Variants in KYNU observed in about 807,000 individuals in gnomAD.
The protein encoded by KYNU is kynureninase.
Under a neutral mutation model 59.2 loss-of-function variants are expected in KYNU, and 54 were observed. The ratio of observed to expected loss-of-function variants is 0.91; its 90% CI spans 0.73 to 1.14. The LOEUF (loss-of-function observed/expected upper bound fraction) is 1.14, where lower values mean the gene tolerates loss of function less well. KYNU is among the 50% of genes most tolerant of loss of function. The pLI, the probability that KYNU is intolerant of heterozygous loss-of-function variation, is 0.00. For synonymous variants in KYNU, 177 were observed against 192.0 expected (o/e 0.92, Z 0.65); for missense variants, 567 against 554.4 (o/e 1.02, Z -0.23).
rs768959772 is a variant in KYNU at position 142,885,433 on chromosome 2, C to T, written c.66C>T (p.Cys22=). 15 of 1,613,858 alleles carry T rather than the reference C, an allele frequency of 9.3e-6. No individual in the cohort carries two copies. The South Asian group carries it at 1.5e-4, about 17-fold the overall frequency. The part of the protein sequence containing the change: ...TVQRIAAELK[C]HPTDERVALH... ...AGCGCATTGCGGCTGAACTCAAATG[C>T]CACCCAACGGATGAGAGGGTGGCTC... The change falls in exon 2 of 14, where the codon TGC becomes TGT. Residue 22 remains cysteine (C), a synonymous_variant. Coordinates refer to ENST00000264170, the MANE Select transcript of KYNU (RefSeq NM_003937.3).
intron 4 of KYNU, among the ~76,000 whole-genome samples, chr2:142,951,371 TG>T (rs1437337611): frequency 4.6e-5 from 7 of 152,148 alleles, no homozygotes; most frequent in Non-Finnish European, 8.8e-5. Flanking sequence ...AGCCTGGACA[TG>T]GTAAAACCCT....
At chr2:142,924,266 G>T (rs964959773) in intron 3 of KYNU, among the ~76,000 whole-genome samples, 1 of 151,742 alleles carries the variant, frequency 6.6e-6, no homozygotes, top group Admixed American at 6.6e-5. Context: ...CACCAAGCCT[G>T]GTTAATTTTT....
At chr2:142,996,061 C>G (rs1387337180) in intron 10 of KYNU, among the ~76,000 whole-genome samples, 1 of 152,072 alleles carries the variant, frequency 6.6e-6, no homozygotes. Context: ...CATTAATGCC[C>G]TACCGTGGGA....
At chr2:143,030,653 C>A (rs11678380) in intron 11 of KYNU, among the ~76,000 whole-genome samples, 95,914 of 150,316 alleles carry the variant, frequency 0.64, 31,409 homozygotes, top group Middle Eastern at 0.73. Flanking sequence ...GATGATGATG[C>A]TGATTATTAT....
chr2:142,927,010 G>A (rs1356144415), intron 3 of KYNU, among the ~76,000 whole-genome samples: 1 of 151,990 alleles, frequency 6.6e-6, no homozygotes, highest in Non-Finnish European at 1.5e-5. Context: ...TTCATTTCAT[G>A]GAAATTTCTT....
intron 1 of KYNU, among the ~76,000 whole-genome samples, chr2:142,879,202 T>C (rs1681205870): frequency 6.6e-6 from 1 of 152,148 alleles, no homozygotes; most frequent in Non-Finnish European, 1.5e-5. Context: ...AGTGAATAAA[T>C]TGCATCCTTA....
chr2:142,973,432 C>T (rs1274175715), intron 8 of KYNU, among the ~76,000 whole-genome samples: 2 of 152,114 alleles, frequency 1.3e-5, no homozygotes, highest in Admixed American at 6.6e-5. Context: ...ATAGGGAAGC[C>T]CCAATACACT....
Position 142,985,070 on chromosome 2 carries a change from G to A in KYNU, c.730-14G>A, listed in dbSNP as rs902713080. ...TGAAGCAAACTTAAAGCTTATTATT[G>A]TGTTCTTCCCTAGGGTTGTTATGTT... On this transcript the variant is annotated splice_polypyrimidine_tract_variant and intron_variant, in intron 8 of 13. Coordinates refer to ENST00000264170, the MANE Select transcript of KYNU (RefSeq NM_003937.3). 58 of 1,459,228 alleles carry A rather than the reference G, an allele frequency of 4.0e-5. No homozygotes were observed. The highest frequency in any genetic ancestry group is 6.8e-5 in the East Asian group (3 of 44,094). 90.4% of individuals were successfully genotyped at this position (1,459,228 alleles called of 1,614,324 possible). A position where few individuals can be genotyped will look rare whatever the true frequency, so the allele number is the denominator to read the frequency against.
At position 143,006,926 on chromosome 2, in the gene KYNU, C is replaced by G. The variant is rs1685925433; in HGVS notation, c.902+20905C>G. Among the ~76,000 whole-genome samples, 3 of 151,900 alleles carry G rather than the reference C, an allele frequency of 2.0e-5. No homozygotes were observed. In the South Asian group the frequency reaches 6.2e-4, roughly 32 times the overall value. ...ATCTGTACATCACCATCATCAAAGA[C>G]CAAAAGTAGATAAAACCACAAAGAT... On this transcript the variant is annotated intron_variant, in intron 10 of 13. Transcript: ENST00000264170.
At chr2:142,982,380 A>T (rs1453090979) in intron 8 of KYNU, among the ~76,000 whole-genome samples, 2 of 152,126 alleles carry the variant, frequency 1.3e-5, no homozygotes, top group African/African-American at 4.8e-5. Context: ...CAACATTTTG[A>T]TATGCAGTAA....
intron 4 of KYNU, among the ~76,000 whole-genome samples, chr2:142,945,590 T>G (rs114101113): frequency 0.032 from 4,903 of 152,258 alleles, 254 homozygotes; most frequent in African/African-American, 0.11. Flanking sequence ...TGTTGATATT[T>G]TGACCTCCTC....
intron 4 of KYNU, among the ~76,000 whole-genome samples, chr2:142,933,680 G>C (rs1683297721): frequency 6.6e-6 from 1 of 152,162 alleles, no homozygotes; most frequent in South Asian, 2.1e-4. Context: ...TTAAAAGAGA[G>C]AGATAGTGTG....
chr2:143,026,747 TCC>T, intron 10 of KYNU, among the ~76,000 whole-genome samples: 2 of 149,128 alleles, frequency 1.3e-5, no homozygotes, highest in South Asian at 2.2e-4. Flanking sequence ...CTGTCCGCAG[TCC>T]GCAGTCCGCA....
chr2:142,962,074 T>C lies in KYNU; in HGVS notation c.729+1304T>C, dbSNP rs181437057. The stretch of plus-strand genomic sequence containing the variant: ...AGATATAAAGATAATGTCTTCTTAA[T>C]TTAGATGTTAAATGTTAAGCACCAA... On this transcript the variant is annotated intron_variant, in intron 8 of 13. Transcript: ENST00000264170. 7.3e-4 allele frequency among the ~76,000 whole-genome samples: 111 copies of C among 152,348 alleles called. 1 individual carries two copies. Among genetic ancestry groups the C allele is most frequent in the Non-Finnish European group, 1.1e-3 (72 of 68,020 alleles).
At chr2:142,936,250 T>A (rs1377169507) in intron 4 of KYNU, among the ~76,000 whole-genome samples, 2 of 152,192 alleles carry the variant, frequency 1.3e-5, no homozygotes, top group Non-Finnish European at 2.9e-5. Flanking sequence ...CTCCAGTCAT[T>A]GGCAATAATT....
intron 12 of KYNU, 27 bp from the exon 13 acceptor site, chr2:143,040,399 CTT>C (rs773310144): frequency 7.8e-6 from 12 of 1,537,042 alleles, no homozygotes; most frequent in Non-Finnish European, 9.0e-6. Flanking sequence ...CAATAAGACA[CTT>C]TAATCTGATT....
chr2:143,046,764 C>T lies in KYNU; in HGVS notation c.*4592C>T, dbSNP rs1408961031. On this transcript the variant is annotated 3_prime_UTR_variant, in exon 14 of 14. Coordinates refer to ENST00000264170, the MANE Select transcript of KYNU (RefSeq NM_003937.3). ...GATTGCCCTGAATTGTCCTGGTTAT[C>T]CTGGGCCCCCTACTTTTTTTATATT... is the stretch of plus-strand genomic sequence containing the variant. 1 of 151,938 alleles carries T rather than the reference C, an allele frequency of 6.6e-6. No homozygotes were observed. Among genetic ancestry groups the T allele is most frequent in the East Asian group, 1.9e-4 (1 of 5,192 alleles). The allele number at this position is 151,938 out of a possible 1,614,324, so 9.4% of individuals were successfully genotyped here. A position where few individuals can be genotyped will look rare whatever the true frequency, so the allele number is the denominator to read the frequency against.
rs911629900 is a variant in KYNU, at chr2:143,050,947, C to A, written c.*8775C>A. The A allele has an allele frequency of 6.6e-6, 1 of 152,076 alleles. No individual in the cohort carries two copies. Among genetic ancestry groups the A allele is most frequent in the Non-Finnish European group, 1.5e-5 (1 of 68,018 alleles). The allele number at this position is 152,076 out of a possible 1,614,324, so 9.4% of individuals were successfully genotyped here. A position where few individuals can be genotyped will look rare whatever the true frequency, so the allele number is the denominator to read the frequency against. On this transcript the variant is annotated 3_prime_UTR_variant, in exon 14 of 14. Transcript: ENST00000264170. Reference sequence around the variant, plus strand: ...ACCTGGGAATCAAAGTATTAGGGTACCTTGTTACTGAGATTATGGATGTGA... The same window carrying A: ...ACCTGGGAATCAAAGTATTAGGGTAACTTGTTACTGAGATTATGGATGTGA...
chr2:142,975,467 T>A lies in KYNU; in HGVS notation c.730-9617T>A, dbSNP rs537212176. Among the ~76,000 whole-genome samples the A allele has an allele frequency of 3.3e-5, 5 of 152,298 alleles. No individual in the cohort carries two copies. In the South Asian group the frequency reaches 1.0e-3, roughly 32 times the overall value. Reference sequence around the variant, plus strand: ...TCCTAGGTGCCAAGAGGGCAAGTTGTAAAAGACTGTCACCTGACTCCACAC... The same window carrying A: ...TCCTAGGTGCCAAGAGGGCAAGTTGAAAAAGACTGTCACCTGACTCCACAC... On this transcript the variant is annotated intron_variant, in intron 8 of 13. Transcript: ENST00000264170.
Sources: allele counts gnomAD v4.1 joint callset (sites outside exome capture counted in the v4.1 genomes callset), GRCh38; gene constraint gnomAD v4.1.1; transcripts MANE v1.5; gene names NCBI Gene and HGNC (gene_info 2026-07-23, HGNC 2026-07-21).